The following COP1 variants were observed in gnomAD, a reference collection of about 807,000 sequenced individuals.
COP1 encodes the protein COP1 E3 ubiquitin ligase.
In COP1, 24 loss-of-function variants were observed where a neutral mutation model predicts 101.3. The observed-to-expected ratio is 0.24, with a 90% CI of 0.17 to 0.33. The LOEUF (loss-of-function observed/expected upper bound fraction) is 0.33. Among genes scored for constraint, COP1 ranks in the 10% least tolerant of loss-of-function variants. The pLI is 1.00. For missense variants in COP1, 663 were observed against 906.2 expected, an observed-to-expected ratio of 0.73 and a Z score of 3.45; for synonymous variants, 347 against 341.9, an observed-to-expected ratio of 1.01 and a Z score of -0.17.
chr1:176,062,385 T>A (rs1305796693), intron 11 of COP1, among the ~76,000 whole-genome samples: 1 of 152,058 alleles, frequency 6.6e-6, no homozygotes, highest in African/African-American at 2.4e-5. Flanking sequence ...AATAAGTGCA[T>A]TAAACACCAC....
chr1:176,051,003 T>C (rs1672451706), intron 11 of COP1, among the ~76,000 whole-genome samples: 1 of 152,142 alleles, frequency 6.6e-6, no homozygotes, highest in Non-Finnish European at 1.5e-5. Context: ...CATTACATTA[T>C]ATATAGTGAT....
intron 1 of COP1, among the ~76,000 whole-genome samples, chr1:176,188,646 C>A (rs1334015737): frequency 6.6e-6 from 1 of 152,066 alleles, no homozygotes; most frequent in Non-Finnish European, 1.5e-5. Context: ...TATTATTATA[C>A]CTGTATAATT....
chr1:176,004,521 G>A (rs890127709), intron 15 of COP1, among the ~76,000 whole-genome samples: 10 of 151,436 alleles, frequency 6.6e-5, no homozygotes, highest in African/African-American at 1.9e-4. Context: ...TTTGAAATAC[G>A]TCCCATCAAT....
chr1:176,156,620 A>G (rs1693493083), intron 5 of COP1, among the ~76,000 whole-genome samples: 1 of 152,206 alleles, frequency 6.6e-6, no homozygotes, highest in African/African-American at 2.4e-5. Flanking sequence ...CCATGGAAAC[A>G]TTAACTATAA....
At chr1:176,141,725 T>A (rs1364430046) in intron 6 of COP1, among the ~76,000 whole-genome samples, 1 of 149,374 alleles carries the variant, frequency 6.7e-6, no homozygotes, top group Non-Finnish European at 1.5e-5. Context: ...TTCATAGCAC[T>A]TTTTCTTTTC....
At position 176,142,989 on chromosome 1, in the gene COP1, T is replaced by C. The variant is rs560645347; in HGVS notation, c.831+6017A>G. ...AAAAGTAAAACCAAAGAAAGCAGGA[T>C]GGAAATAATAAAGAACATAAATAAA... On this transcript the variant is annotated intron_variant, in intron 6 of 19. Coordinates refer to ENST00000367669, the MANE Select transcript of COP1 (RefSeq NM_022457.7). 1.0e-3 allele frequency among the ~76,000 whole-genome samples: 152 copies of C among 150,994 alleles called. 4 individuals are homozygous for C. In the South Asian group the frequency reaches 0.031, roughly 31 times the overall value.
chr1:176,105,544 G>A (rs764577648), intron 9 of COP1, among the ~76,000 whole-genome samples: 21 of 152,014 alleles, frequency 1.4e-4, no homozygotes, highest in South Asian at 4.1e-4. Context: ...TATTTTGATC[G>A]TGACAGCTAG....
At chr1:175,998,324 G>C (rs192062214) in intron 15 of COP1, among the ~76,000 whole-genome samples, 1 of 150,910 alleles carries the variant, frequency 6.6e-6, no homozygotes, top group African/African-American at 2.4e-5. Context: ...GGTGGGGGGA[G>C]AGGGGAGGGA....
At chr1:175,993,692 G>GA (rs1425023202) in intron 15 of COP1, among the ~76,000 whole-genome samples, 2 of 152,088 alleles carry the variant, frequency 1.3e-5, no homozygotes, top group East Asian at 3.8e-4. Flanking sequence ...GAAGTTTAGA[G>GA]AAAAAAGAAT....
At chr1:175,964,811 A>C (rs2148556866) in intron 18 of COP1, among the ~76,000 whole-genome samples, 1 of 152,342 alleles carries the variant, frequency 6.6e-6, no homozygotes, top group African/African-American at 2.4e-5. Context: ...AAATATAAAG[A>C]ATAAAAATTT....
rs536921705 is a variant in COP1 at position 176,056,011 on chromosome 1, A to G, written c.1278-9687T>C. 1.1e-4 allele frequency among the ~76,000 whole-genome samples: 17 copies of G among 152,190 alleles called. No homozygotes were observed. In the South Asian group the frequency reaches 2.9e-3, roughly 26 times the overall value. The stretch of plus-strand genomic sequence containing the variant: ...TTCTGGGCACTTTTAGCTATGTCCC[A>G]TAAGTTCTGATACACAGAAATTTCA... On this transcript the variant is annotated intron_variant, in intron 11 of 19. Coordinates refer to ENST00000367669, the MANE Select transcript of COP1 (RefSeq NM_022457.7).
chr1:176,181,866 C>CA (rs375980448), intron 2 of COP1, among the ~76,000 whole-genome samples: 41 of 149,978 alleles, frequency 2.7e-4, no homozygotes, highest in Non-Finnish European at 3.0e-5. Flanking sequence ...AACAAATAAA[C>CA]AAAAAAACAC....
Position 176,184,153 on chromosome 1 carries a change from T to A in COP1, c.467+480A>T, listed in dbSNP as rs192664439. Among the ~76,000 whole-genome samples, 577 of 152,174 alleles carry A rather than the reference T, an allele frequency of 3.8e-3. 21 individuals are homozygous for A. The highest frequency in any genetic ancestry group is 0.033 in the Admixed American group (510 of 15,280). ...TTATGTAAATTTTAAAATTAAAAAA[T>A]TTTTTTGATGTATGAGTTAACCTGG... On this transcript the variant is annotated intron_variant, in intron 2 of 19. Coordinates refer to ENST00000367669, the MANE Select transcript of COP1 (RefSeq NM_022457.7).
chr1:176,023,580 T>C (rs538257908), intron 15 of COP1, among the ~76,000 whole-genome samples: 1 of 149,546 alleles, frequency 6.7e-6, no homozygotes, highest in South Asian at 2.1e-4. Context: ...TAGCTGGGAG[T>C]GGTGGCATAT....
At chr1:175,985,512 C>A (rs532358698) in intron 18 of COP1, among the ~76,000 whole-genome samples, 4 of 152,132 alleles carry the variant, frequency 2.6e-5, no homozygotes, top group Non-Finnish European at 4.4e-5. Flanking sequence ...CTATAATATA[C>A]CCCTGTGGGG....
rs183195297 is a variant in COP1, at chr1:176,181,983, G to A, written c.467+2650C>T. 3.0e-3 allele frequency among the ~76,000 whole-genome samples: 454 copies of A among 152,246 alleles called. 2 individuals are homozygous for A. Among genetic ancestry groups the A allele is most frequent in the African/African-American group, 0.01 (427 of 41,536 alleles). On this transcript the variant is annotated intron_variant, in intron 2 of 19. Coordinates refer to ENST00000367669, the MANE Select transcript of COP1 (RefSeq NM_022457.7). Reference sequence around the variant, plus strand: ...TAAAGCTATTTAAGAAAGCAATGGGGCTTTCCAACAATGACCTAAAGACAA... The same window carrying A: ...TAAAGCTATTTAAGAAAGCAATGGGACTTTCCAACAATGACCTAAAGACAA...
At chr1:176,121,710 C>A (rs1262319889) in intron 8 of COP1, among the ~76,000 whole-genome samples, 1 of 152,102 alleles carries the variant, frequency 6.6e-6, no homozygotes, top group Non-Finnish European at 1.5e-5. Context: ...AAAATGAAAT[C>A]TTCTCTCATT....
chr1:175,986,537 T>C (rs1034283512), intron 18 of COP1, among the ~76,000 whole-genome samples: 5 of 142,564 alleles, frequency 3.5e-5, no homozygotes, highest in Non-Finnish European at 1.6e-5. Flanking sequence ...ATCCTTTACC[T>C]GTACCAATTC....
rs1418856008 is a variant in COP1, at chr1:176,136,562, G to C, written c.832-15C>G. On this transcript the variant is annotated splice_polypyrimidine_tract_variant and intron_variant, in intron 6 of 19. Transcript: ENST00000367669. ...TGTTCCAGTTGCTGCAGATTAAATA[G>C]AGAGAGAAAGACAAAAAAAAAAAAG... 5 of 1,520,958 alleles carry C rather than the reference G, an allele frequency of 3.3e-6. No individual in the cohort carries two copies. The highest frequency in any genetic ancestry group is 2.9e-5 in the African/African-American group (2 of 69,406). The allele number at this position is 1,520,958 out of a possible 1,614,324, so 94.2% of individuals were successfully genotyped here. A position where few individuals can be genotyped will look rare whatever the true frequency, so the allele number is the denominator to read the frequency against.
Sources: gnomAD v4.1 joint callset for allele counts (sites outside exome capture counted in the v4.1 genomes callset) on GRCh38, gnomAD v4.1.1 for gene constraint, MANE v1.5 for transcripts, NCBI Gene and HGNC (gene_info 2026-07-23, HGNC 2026-07-21) for gene names.